Variants in C1orf105 observed in about 807,000 individuals in gnomAD.
C1orf105 encodes chromosome 1 open reading frame 105.
C1orf105 carries 17 observed loss-of-function variants against 20.8 expected under a neutral mutation model. The observed-to-expected ratio is 0.82, with a 90% CI of 0.56 to 1.23. The LOEUF is 1.23. Among genes scored for constraint, C1orf105 ranks in the 50% most tolerant of loss-of-function variants. C1orf105 has a pLI of 0.00. For missense variants in C1orf105, 219 were observed against 213.5 expected, an observed-to-expected ratio of 1.03 and a Z score of -0.16; for synonymous variants, 72 against 72.1, an observed-to-expected ratio of 1.00 and a Z score of 0.01.
Position 172,465,339 on chromosome 1 carries a change from C to T in C1orf105, c.382C>T (p.Pro128Ser). 1 of 1,612,938 alleles carries T rather than the reference C, an allele frequency of 6.2e-7. No individual in the cohort carries two copies. Among genetic ancestry groups the T allele is most frequent in the Non-Finnish European group, 8.5e-7 (1 of 1,178,894 alleles). The part of the protein sequence containing the change: ...HQPKFQTTPE[P>S]FHDDIPTESI... ...ACCCAAATTCCAGACTACACCTGAG[C>T]CTTTCCATGATGACATCCCAACAGG... is the stretch of plus-strand genomic sequence containing the variant. Residue 128 changes from proline to serine, a missense_variant, in exon 6 of 7, where the codon CCT (proline) becomes TCT (serine). Transcript: ENST00000367727.
intron 1 of C1orf105, chr1:172,442,260 C>T (rs770142384): frequency 1.2e-6 from 2 of 1,613,918 alleles, no homozygotes; most frequent in South Asian, 1.1e-5. Context: ...CTAGGGCACT[C>T]TTCAGGTCAG....
chr1:172,457,325 A>T (rs1649351325), intron 4 of C1orf105, among the ~76,000 whole-genome samples: 1 of 152,104 alleles, frequency 6.6e-6, no homozygotes, highest in African/African-American at 2.4e-5. Context: ...TGACTTGGGG[A>T]GGAAGGTGGG....
intron 2 of C1orf105, 26 bp downstream of exon 2, chr1:172,445,184 A>T (rs1647846251): frequency 6.5e-7 from 1 of 1,547,998 alleles, no homozygotes; most frequent in Admixed American, 1.8e-5. Flanking sequence ...CCGAGGGCAA[A>T]AGTTTTACGA....
rs1220562585 is a variant in C1orf105, at chr1:172,441,482, A to G, written c.22-3591A>G. 3 of 338,672 alleles carry G rather than the reference A, an allele frequency of 8.9e-6. No individual in the cohort carries two copies. In the Admixed American group the frequency reaches 1.3e-4, roughly 15 times the overall value. 21.0% of individuals were successfully genotyped at this position (338,672 alleles called of 1,614,324 possible). A position where few individuals can be genotyped will look rare whatever the true frequency, so the allele number is the denominator to read the frequency against. On this transcript the variant is annotated intron_variant, in intron 1 of 6. Coordinates refer to ENST00000367727, the MANE Select transcript of C1orf105 (RefSeq NM_139240.4). ...TGGATGTGTTATTTTTTTAATAGAA[A>G]CCACATCACTTCATATGTTACAGCA...
chr1:172,452,980 C>G, intron 3 of C1orf105: 1 of 1,548,088 alleles, frequency 6.5e-7, no homozygotes, highest in Non-Finnish European at 8.7e-7. Context: ...AGAAAAAGAC[C>G]AAAGACCTGG....
At chr1:172,442,114 G>GCATTGGCAC (rs1647376969) in intron 1 of C1orf105, 1 of 1,614,038 alleles carries the variant, frequency 6.2e-7, no homozygotes, top group African/African-American at 1.3e-5. Context: ...TACAATGGCA[G>GCATTGGCAC]CATTGGCACC....
chr1:172,465,333 C>G lies in C1orf105; in HGVS notation c.376C>G (p.Pro126Ala). Residue 126 changes from proline to alanine, a missense_variant, in exon 6 of 7, where the codon CCT (proline) becomes GCT (alanine). Physicochemically the swap from Pro to Ala is conservative, Grantham distance 27. Coordinates refer to ENST00000367727, the MANE Select transcript of C1orf105 (RefSeq NM_139240.4). Reference sequence around the variant, plus strand: ...TCATCAACCCAAATTCCAGACTACACCTGAGCCTTTCCATGATGACATCCC... The same window carrying G: ...TCATCAACCCAAATTCCAGACTACAGCTGAGCCTTTCCATGATGACATCCC... ...SLHQPKFQTT[P>A]EPFHDDIPTE... is the part of the protein sequence containing the mutation. 6.2e-7 allele frequency: 1 copy of G among 1,613,182 alleles called. No individual in the cohort carries two copies. The highest frequency in any genetic ancestry group is 8.5e-7 in the Non-Finnish European group (1 of 1,179,122).
chr1:172,433,536 T>C (rs2071937572), intron 1 of C1orf105, among the ~76,000 whole-genome samples: 1 of 152,180 alleles, frequency 6.6e-6, no homozygotes, highest in Non-Finnish European at 1.5e-5. Context: ...TAAAATCCTT[T>C]ACGGACAAAC....
chr1:172,433,335 G>T (rs1048441998), intron 1 of C1orf105, among the ~76,000 whole-genome samples: 1 of 152,170 alleles, frequency 6.6e-6, no homozygotes, highest in African/African-American at 2.4e-5. Context: ...AGGAAAAAAT[G>T]TTAAGGGCAG....
intron 1 of C1orf105, among the ~76,000 whole-genome samples, chr1:172,424,295 C>T (rs1010797787): frequency 1.3e-5 from 2 of 152,218 alleles, no homozygotes; most frequent in African/African-American, 4.8e-5. Context: ...GTGGGTTCTG[C>T]CTCTCAAAAC....
chr1:172,442,375 T>C (rs561555876), intron 1 of C1orf105: 3 of 1,613,280 alleles, frequency 1.9e-6, no homozygotes, highest in African/African-American at 2.7e-5. Context: ...TAAAAGCCAA[T>C]GGGGGGCCAG....
chr1:172,442,149 T>G, intron 1 of C1orf105: 17 of 1,614,134 alleles, frequency 1.1e-5, no homozygotes, highest in Non-Finnish European at 1.1e-5. Flanking sequence ...TGAGATGGCC[T>G]AACAGCATGA....
intron 1 of C1orf105, among the ~76,000 whole-genome samples, chr1:172,437,083 A>G (rs1441168681): frequency 1.3e-5 from 2 of 152,180 alleles, no homozygotes; most frequent in African/African-American, 4.8e-5. Context: ...AAAAGTCAGG[A>G]AACAACAGAT....
intron 3 of C1orf105, among the ~76,000 whole-genome samples, chr1:172,451,727 TA>T (rs1436649179): frequency 2.0e-5 from 3 of 152,306 alleles, no homozygotes; most frequent in African/African-American, 7.2e-5. Flanking sequence ...TATTCAGCTT[TA>T]TTTTTTTAAA....
At chr1:172,468,311 A>C in intron 6 of C1orf105, 138 bp from the exon 7 acceptor site, 2 of 650,200 alleles carry the variant, frequency 3.1e-6, no homozygotes, top group Non-Finnish European at 4.7e-6. Context: ...TGGATTTGAA[A>C]ATCAAATTAT....
Position 172,442,316 on chromosome 1 carries a change from TG to T in C1orf105, c.22-2756del, listed in dbSNP as rs866665614. 3.7e-6 allele frequency: 6 copies of T among 1,613,150 alleles called. No homozygotes were observed. The African/African-American group carries it at 8.0e-5, about 22-fold the overall frequency. ...TTCTTCCGCCCTTCACCTCCATCAA[TG>T]AGATCAAACAAAACATACCCAATCA... is the stretch of plus-strand genomic sequence containing the variant. On this transcript the variant is annotated intron_variant, in intron 1 of 6. Coordinates refer to ENST00000367727, the MANE Select transcript of C1orf105 (RefSeq NM_139240.4).
chr1:172,423,001 T>G (rs1218589439), intron 1 of C1orf105, among the ~76,000 whole-genome samples: 3 of 152,130 alleles, frequency 2.0e-5, no homozygotes, highest in African/African-American at 4.8e-5. Flanking sequence ...AGTTTCCAAC[T>G]CCAGGCCCTG....
intron 6 of C1orf105, among the ~76,000 whole-genome samples, chr1:172,468,193 T>C (rs1650199214): frequency 6.6e-6 from 1 of 152,174 alleles, no homozygotes; most frequent in Non-Finnish European, 1.5e-5. Context: ...TTTGGCCTCA[T>C]TGACAAGATT....
chr1:172,442,523 G>A, intron 1 of C1orf105: 1 of 1,614,192 alleles, frequency 6.2e-7, no homozygotes. Context: ...AGCTCTTCCA[G>A]GAATCGCCGG....
Sources: gnomAD v4.1 joint callset for allele counts (sites outside exome capture counted in the v4.1 genomes callset) on GRCh38, gnomAD v4.1.1 for gene constraint, MANE v1.5 for transcripts, NCBI Gene and HGNC (gene_info 2026-07-23, HGNC 2026-07-21) for gene names.